Variants in MIDEAS observed in about 807,000 individuals in gnomAD.
MIDEAS encodes mitotic deacetylase associated SANT domain protein, also known as mitotic deacetylase-associated SANT domain protein.
In MIDEAS, 26 loss-of-function variants were observed where a neutral mutation model predicts 102.7. The ratio of observed to expected loss-of-function variants is 0.25; its 90% CI spans 0.19 to 0.35. The LOEUF is 0.35. MIDEAS is among the 10% of genes least tolerant of loss of function. The probability of loss-of-function intolerance (pLI) is 1.00; values close to 1 mark genes in which losing one functional copy is unlikely to be tolerated. For missense variants in MIDEAS, 1,231 were observed against 1,435.6 expected, an observed-to-expected ratio of 0.86 and a Z score of 2.30; for synonymous variants, 585 against 591.0, an observed-to-expected ratio of 0.99 and a Z score of 0.15.
chr14:73,720,362 C>G (rs2052970562), intron 11 of MIDEAS, among the ~76,000 whole-genome samples: 1 of 151,758 alleles, frequency 6.6e-6, no homozygotes, highest in South Asian at 2.1e-4. Context: ...ATTCTCCTGC[C>G]TCAGCCTCTG....
chr14:73,737,261 A>G lies in MIDEAS; in HGVS notation c.1486T>C (p.Leu496=), dbSNP rs369718210. 13 of 1,613,142 alleles carry G rather than the reference A, an allele frequency of 8.1e-6. No homozygotes were observed. Among genetic ancestry groups the G allele is most frequent in the Middle Eastern group, 3.3e-4 (2 of 6,084 alleles). Reference sequence around the variant, plus strand: ...ACCCCACACTTGGTAGTTGAGGCCAATACACTTTTCCGCTTCTCTTCAGAA... The same window carrying G: ...ACCCCACACTTGGTAGTTGAGGCCAGTACACTTTTCCGCTTCTCTTCAGAA... ...SGSEEKRKSV[L]ASTTKCGVEF... is the part of the protein sequence containing the mutation. Residue 496 remains leucine, a synonymous_variant, in exon 3 of 13, where the codon TTG becomes CTG. Coordinates refer to ENST00000423556, the MANE Select transcript of MIDEAS (RefSeq NM_001367710.1).
intron 3 of MIDEAS, among the ~76,000 whole-genome samples, chr14:73,736,226 T>C (rs73297476): frequency 0.22 from 32,678 of 151,902 alleles, 3,707 homozygotes; most frequent in South Asian, 0.28. Flanking sequence ...AAAAAGAAAC[T>C]TCATAAAGTA....
Position 73,726,951 on chromosome 14 carries a change from C to T in MIDEAS, c.2184G>A (p.Arg728=). 2 of 1,612,300 alleles carry T rather than the reference C, an allele frequency of 1.2e-6. No homozygotes were observed. The highest frequency in any genetic ancestry group is 1.7e-6 in the Non-Finnish European group (2 of 1,178,700). ...TCATCAAGGGGATTTCTGCCTGGAA[C>T]CGGGAGCCCACGTTGATCCGTCTAG... ...SIEPRINVGS[R]FQAEIPLMRD... Residue 728 remains arginine, a synonymous_variant, in exon 6 of 13, where the codon CGG becomes CGA. Transcript: ENST00000423556.
chr14:73,727,284 C>T, intron 5 of MIDEAS, 174 bp downstream of exon 5: 1 of 708,634 alleles, frequency 1.4e-6, no homozygotes, highest in Non-Finnish European at 2.3e-6. Context: ...GCAACTTCCA[C>T]ACAGAGGCAG....
chr14:73,763,025 T>G (rs996889670), upstream of MIDEAS, among the ~76,000 whole-genome samples: 1 of 152,110 alleles, frequency 6.6e-6, no homozygotes. Flanking sequence ...ATCAGCAGTA[T>G]CTAGACCATT....
chr14:73,783,481 G>A (rs879416189), intron 1 of MIDEAS, among the ~76,000 whole-genome samples: 3 of 152,238 alleles, frequency 2.0e-5, no homozygotes, highest in Admixed American at 2.0e-4. Context: ...TCAGACCCCT[G>A]TGGAGAAGGG....
intron 1 of MIDEAS, among the ~76,000 whole-genome samples, chr14:73,756,504 G>A (rs1446976966): frequency 1.3e-5 from 2 of 152,170 alleles, no homozygotes; most frequent in African/African-American, 4.8e-5. Context: ...GGCCCAGCAT[G>A]CAATTTTTCA....
chr14:73,769,890 G>A lies in MIDEAS; in HGVS notation c.-248+17212C>T, dbSNP rs546128531. ...GCTGGGATTACAGGTGTGAGCCACC[G>A]TGCCCGGCTGGGTTTTTTTTTTTGT... On this transcript the variant is annotated intron_variant, in intron 1 of 11. Transcript: ENST00000394071. Among the ~76,000 whole-genome samples, 10 of 148,126 alleles carry A rather than the reference G, an allele frequency of 6.8e-5. No homozygotes were observed. In the East Asian group the frequency reaches 1.4e-3, roughly 21 times the overall value.
upstream of MIDEAS, chr14:73,788,888 G>A (rs1469408429): frequency 6.6e-6 from 1 of 151,992 alleles, no homozygotes; most frequent in Middle Eastern, 3.2e-3. Context: ...TATTTTTTTT[G>A]TTCCATATGC....
chr14:73,744,053 G>GAAA (rs773621965), intron 1 of MIDEAS, among the ~76,000 whole-genome samples: 4 of 136,952 alleles, frequency 2.9e-5, no homozygotes, highest in African/African-American at 1.2e-4. Context: ...TGTGCACCAG[G>GAAA]AAAAAAAAAT....
chr14:73,773,828 G>A (rs2053664298), intron 1 of MIDEAS, among the ~76,000 whole-genome samples: 1 of 151,852 alleles, frequency 6.6e-6, no homozygotes, highest in South Asian at 2.1e-4. Context: ...TTCGAGACCA[G>A]CCTGGCCAAT....
chr14:73,754,290 C>T (rs1032399771), intron 1 of MIDEAS, among the ~76,000 whole-genome samples: 21 of 152,252 alleles, frequency 1.4e-4, no homozygotes, highest in African/African-American at 2.4e-5. Context: ...AACTGTCCCC[C>T]GTTGTGTGCT....
chr14:73,750,191 C>T (rs2140141084), intron 1 of MIDEAS, among the ~76,000 whole-genome samples: 1 of 152,310 alleles, frequency 6.6e-6, no homozygotes, highest in South Asian at 2.1e-4. Context: ...CTTATGTCCT[C>T]ATTCTCCAGA....
intron 1 of MIDEAS, among the ~76,000 whole-genome samples, chr14:73,768,840 T>G (rs1439107562): frequency 6.6e-6 from 1 of 152,082 alleles, no homozygotes; most frequent in Non-Finnish European, 1.5e-5. Context: ...AACTTCTGGC[T>G]TGTCATGGAA....
upstream of MIDEAS, among the ~76,000 whole-genome samples, chr14:73,764,138 G>A (rs2053574280): frequency 2.0e-5 from 3 of 151,932 alleles, no homozygotes; most frequent in Admixed American, 6.6e-5. Context: ...CCAGGAGTTC[G>A]AGACCAGCCT....
At chr14:73,735,814 T>C (rs935905508) in intron 3 of MIDEAS, among the ~76,000 whole-genome samples, 10 of 152,198 alleles carry the variant, frequency 6.6e-5, no homozygotes, top group Non-Finnish European at 1.5e-4. Context: ...CACTACACCA[T>C]CTATGCGTGT....
intron 6 of MIDEAS, 54 bp from the exon 7 acceptor site, chr14:73,726,761 G>T: frequency 6.2e-7 from 1 of 1,611,936 alleles, no homozygotes; most frequent in Non-Finnish European, 8.5e-7. Context: ...TCAGGGCGGG[G>T]CTGGGCAGGG....
chr14:73,756,283 TGTGTGTGTGTGTGCGCGCGCGC>T (rs1426923214), intron 1 of MIDEAS, among the ~76,000 whole-genome samples: 1 of 92,910 alleles, frequency 1.1e-5, no homozygotes, highest in Non-Finnish European at 2.2e-5. Flanking sequence ...TGTGTGTGTG[TGTGTGTGTGTGTGCGCGCGCGC>T]GTGCGCGCTG....
chr14:73,783,454 C>T (rs889194886), intron 1 of MIDEAS, among the ~76,000 whole-genome samples: 13 of 152,194 alleles, frequency 8.5e-5, no homozygotes, highest in South Asian at 8.3e-4. Context: ...AGGGTTAGGA[C>T]GGGAGAGGAG....
Sources: gnomAD v4.1 joint callset for allele counts (sites outside exome capture counted in the v4.1 genomes callset) on GRCh38, gnomAD v4.1.1 for gene constraint, MANE v1.5 for transcripts, NCBI Gene and HGNC (gene_info 2026-07-23, HGNC 2026-07-21) for gene names.